NAA16: variants seen among roughly 807,000 people sequenced by gnomAD.
The protein encoded by NAA16 is NARG1-like protein.
In NAA16, 97 loss-of-function variants were observed where a neutral mutation model predicts 110.3. The observed-to-expected ratio is 0.88, with a 90% confidence interval of 0.75 to 1.04. The LOEUF (loss-of-function observed/expected upper bound fraction) is 1.04. Ranked by LOEUF, NAA16 falls within the 50% of genes least tolerant of loss-of-function variation. The pLI, the probability that NAA16 is intolerant of heterozygous loss-of-function variation, is 0.00. For synonymous variants in NAA16, 372 were observed against 330.6 expected, an observed-to-expected ratio of 1.13 and a Z score of -1.36; for missense variants, 1,017 against 1,005.1, an observed-to-expected ratio of 1.01 and a Z score of -0.16.
Position 41,320,669 on chromosome 13 carries a change from T to C in NAA16, c.247T>C (p.Trp83Arg). ...TCTTTGTTTCCTTAACTTAATAGGT[T>C]GGCATGTATATGGACTCTTGCAGCG... ...LRNDVKSHVC[W>R]HVYGLLQRSD... The change falls in exon 4 of 20, where the codon TGG becomes CGG. Residue 83 changes from tryptophan (W) to arginine (R), a missense_variant and splice_region_variant. Coordinates refer to ENST00000379406, the MANE Select transcript of NAA16 (RefSeq NM_024561.5). 6.2e-7 allele frequency: 1 copy of C among 1,600,066 alleles called. No individual in the cohort carries two copies. The highest frequency in any genetic ancestry group is 1.1e-5 in the South Asian group (1 of 88,442).
chr13:41,338,085 G>A (rs1015320926), intron 9 of NAA16, among the ~76,000 whole-genome samples: 3 of 152,112 alleles, frequency 2.0e-5, no homozygotes, highest in Non-Finnish European at 4.4e-5. Flanking sequence ...ACATGTACCC[G>A]GTGCCTGCCA....
chr13:41,337,830 A>G (rs1450679920), intron 9 of NAA16, among the ~76,000 whole-genome samples: 4 of 152,192 alleles, frequency 2.6e-5, no homozygotes, highest in Admixed American at 6.5e-5. Flanking sequence ...GAATAATACA[A>G]TGTTGGAAAC....
At chr13:41,363,361 A>G (rs532282967) in intron 13 of NAA16, among the ~76,000 whole-genome samples, 1 of 152,306 alleles carries the variant, frequency 6.6e-6, no homozygotes, top group African/African-American at 2.4e-5. Context: ...GGCACTTACG[A>G]ATTAGTAATT....
chr13:41,312,386 G>T (rs933591806), intron 1 of NAA16, among the ~76,000 whole-genome samples: 9 of 152,106 alleles, frequency 5.9e-5, no homozygotes, highest in Admixed American at 4.6e-4. Flanking sequence ...GGAGCCGGGT[G>T]GGCAGTTTTC....
At chr13:41,341,779 G>T (rs1427212939) in intron 9 of NAA16, among the ~76,000 whole-genome samples, 2 of 151,832 alleles carry the variant, frequency 1.3e-5, no homozygotes, top group Non-Finnish European at 2.9e-5. Flanking sequence ...GAAGTGCACA[G>T]ATGTTTTCAT....
At chr13:41,324,824 T>G (rs2042046597) in intron 5 of NAA16, among the ~76,000 whole-genome samples, 1 of 151,826 alleles carries the variant, frequency 6.6e-6, no homozygotes. Flanking sequence ...CTCCAGAGAC[T>G]GAGGCAGGAG....
chr13:41,323,406 A>G (rs561521541), intron 5 of NAA16, among the ~76,000 whole-genome samples: 1 of 148,666 alleles, frequency 6.7e-6, no homozygotes, highest in East Asian at 2.0e-4. Flanking sequence ...GCTGGAGTGC[A>G]GTGGCACGAT....
intron 9 of NAA16, among the ~76,000 whole-genome samples, chr13:41,352,332 A>AC (rs1020377324): frequency 2.6e-5 from 4 of 151,506 alleles, no homozygotes; most frequent in East Asian, 3.9e-4. Flanking sequence ...AGAGAGTGAG[A>AC]CCCCGTCTCA....
In NAA16 at chr13:41,369,810, G is replaced by A. The variant is rs560818067; in HGVS notation, c.1947+527G>A. Among the ~76,000 whole-genome samples, 7 of 152,262 alleles carry A rather than the reference G, an allele frequency of 4.6e-5. No individual in the cohort carries two copies. The East Asian group carries it at 5.8e-4, about 13-fold the overall frequency. On this transcript the variant is annotated intron_variant, in intron 15 of 19. Transcript: ENST00000379406. ...AGAGAGGCTGAAAAAGGCATTGAAC[G>A]GATTCCCCCTTCGAATCTCCAAAGG...
chr13:41,324,970 T>TG (rs1213905494), intron 5 of NAA16, among the ~76,000 whole-genome samples: 1 of 150,038 alleles, frequency 6.7e-6, no homozygotes, highest in Non-Finnish European at 1.5e-5. Context: ...TTTTTTTTTT[T>TG]TTTTTGAGAC....
chr13:41,367,608 A>G lies in NAA16; in HGVS notation c.1709A>G (p.Asp570Gly). ...ATTGAAATATACTTGAAATTGTATGATAATCCCTTAACCAATGAAAGCAAA... is the reference window on the plus strand; with the variant it reads ...ATTGAAATATACTTGAAATTGTATGGTAATCCCTTAACCAATGAAAGCAAA... ...SAIEIYLKLY[D>G]NPLTNESKQQ... Residue 570 changes from aspartate to glycine, a missense_variant, in exon 14 of 20, where the codon GAT becomes GGT. Asp to Gly is a moderately conservative substitution (Grantham distance 94, BLOSUM62 -1). Coordinates refer to ENST00000379406, the MANE Select transcript of NAA16 (RefSeq NM_024561.5). 1 of 1,612,948 alleles carries G rather than the reference A, an allele frequency of 6.2e-7. No individual in the cohort carries two copies. Among genetic ancestry groups the G allele is most frequent in the Non-Finnish European group, 8.5e-7 (1 of 1,179,522 alleles).
chr13:41,371,900 A>G (rs191215374), intron 15 of NAA16, among the ~76,000 whole-genome samples: 2 of 152,284 alleles, frequency 1.3e-5, no homozygotes, highest in African/African-American at 4.8e-5. Context: ...TTTATAGCAG[A>G]TAGGGGATTG....
chr13:41,341,719 G>GA (rs2042552138), intron 9 of NAA16, among the ~76,000 whole-genome samples: 1 of 151,562 alleles, frequency 6.6e-6, no homozygotes, highest in Admixed American at 6.6e-5. Flanking sequence ...CCCTATCTAA[G>GA]AAAAAAATAA....
intron 8 of NAA16, among the ~76,000 whole-genome samples, chr13:41,335,086 A>G (rs1046255569): frequency 1.3e-5 from 2 of 152,232 alleles, no homozygotes; most frequent in African/African-American, 4.8e-5. Flanking sequence ...TATGATCTGA[A>G]TAGACTGAGA....
rs2043420938 is a variant in NAA16, at chr13:41,376,011, T to G, written c.*409T>G. The G allele has an allele frequency of 6.5e-6, 1 of 153,874 alleles. No individual in the cohort carries two copies. Among genetic ancestry groups the G allele is most frequent in the Admixed American group, 6.5e-5 (1 of 15,386 alleles). 9.5% of individuals were successfully genotyped at this position (153,874 alleles called of 1,614,324 possible). On this transcript the variant is annotated 3_prime_UTR_variant, in exon 20 of 20. Transcript: ENST00000379406. The stretch of plus-strand genomic sequence containing the variant: ...AACTATATGTTAACAATATGGAGGC[T>G]GGGCGTGGTGGCTCACACCTGTAAT...
At chr13:41,334,962 C>T (rs534843964) in intron 8 of NAA16, among the ~76,000 whole-genome samples, 42 of 152,264 alleles carry the variant, frequency 2.8e-4, no homozygotes, top group Admixed American at 2.1e-3. Flanking sequence ...TGGATTGCTG[C>T]GCACCTGGGT....
intron 9 of NAA16, among the ~76,000 whole-genome samples, chr13:41,338,718 T>C (rs2042448844): frequency 6.6e-6 from 1 of 152,212 alleles, no homozygotes. Context: ...TATTTATTTT[T>C]CAATTAAATT....
intron 9 of NAA16, among the ~76,000 whole-genome samples, chr13:41,349,691 G>A (rs757429852): frequency 1.1e-4 from 16 of 152,134 alleles, no homozygotes; most frequent in Non-Finnish European, 2.1e-4. Context: ...GTGGCCGGGT[G>A]TGGTGGCTCA....
intron 8 of NAA16, among the ~76,000 whole-genome samples, chr13:41,335,618 G>C (rs1261080341): frequency 6.6e-6 from 1 of 152,066 alleles, no homozygotes; most frequent in Non-Finnish European, 1.5e-5. Flanking sequence ...TTTTGTGTAT[G>C]ATCTAATAAG....
Sources: allele counts gnomAD v4.1 joint callset (sites outside exome capture counted in the v4.1 genomes callset), GRCh38; gene constraint gnomAD v4.1.1; transcripts MANE v1.5; gene names NCBI Gene and HGNC (gene_info 2026-07-23, HGNC 2026-07-21).